Variants in DLGAP1 observed in about 807,000 individuals in gnomAD.
DLGAP1 encodes DLG associated protein 1.
Under a neutral mutation model 90.8 loss-of-function variants are expected in DLGAP1, and 11 were observed. The ratio of observed to expected loss-of-function variants is 0.12; its 90% CI spans 0.08 to 0.20. DLGAP1 has a LOEUF of 0.20. DLGAP1 is among the 10% of genes least tolerant of loss of function. The probability of loss-of-function intolerance (pLI) is 1.00; values close to 1 mark genes in which losing one functional copy is unlikely to be tolerated. For missense variants in DLGAP1, 1,050 were observed against 1,333.8 expected (o/e 0.79, Z 3.31); for synonymous variants, 558 against 540.7 (o/e 1.03, Z -0.44).
intron 5 of DLGAP1, among the ~76,000 whole-genome samples, chr18:3,781,623 G>A (rs183964991): frequency 2.0e-3 from 312 of 152,264 alleles, no homozygotes; most frequent in African/African-American, 7.4e-3. Flanking sequence ...AAAGTGCTGG[G>A]ATTATAGGCG....
chr18:4,381,399 A>G (rs185363092), intron 1 of DLGAP1, among the ~76,000 whole-genome samples: 62 of 152,344 alleles, frequency 4.1e-4, no homozygotes, highest in Non-Finnish European at 6.9e-4. Flanking sequence ...CAAAAGAACC[A>G]GTCCTCAGGT....
At chr18:3,555,091 C>T (rs909452282) in intron 9 of DLGAP1, among the ~76,000 whole-genome samples, 3 of 151,766 alleles carry the variant, frequency 2.0e-5, no homozygotes, top group African/African-American at 4.8e-5. Flanking sequence ...CCCATCTGCC[C>T]GATATTGCTT....
In DLGAP1 at chr18:4,119,136, G is replaced by C. The variant is rs570225068; in HGVS notation, c.-159+32044C>G. Among the ~76,000 whole-genome samples the C allele has an allele frequency of 2.0e-5, 3 of 152,118 alleles. No homozygotes were observed. The East Asian group carries it at 5.8e-4, about 29-fold the overall frequency. On this transcript the variant is annotated intron_variant, in intron 2 of 12. Transcript: ENST00000315677. Reference sequence around the variant, plus strand: ...AGATGGGGTCTCACTTTGTGGTCCAGGCTAGAGTGCAGTGGCATGATCACA... The same window carrying C: ...AGATGGGGTCTCACTTTGTGGTCCACGCTAGAGTGCAGTGGCATGATCACA...
intron 2 of DLGAP1, among the ~76,000 whole-genome samples, chr18:4,134,885 G>T (rs1467565139): frequency 6.6e-6 from 1 of 151,978 alleles, no homozygotes; most frequent in African/African-American, 2.4e-5. Flanking sequence ...TGCCTTCCTA[G>T]AGAGGAAAAG....
At chr18:4,143,419 T>C (rs1160970376) in intron 2 of DLGAP1, among the ~76,000 whole-genome samples, 1 of 151,772 alleles carries the variant, frequency 6.6e-6, no homozygotes, top group East Asian at 2.0e-4. Flanking sequence ...TGATGAGTAC[T>C]GCCAGGGTAC....
At chr18:4,409,200 T>C (rs1418195672) in intron 1 of DLGAP1, among the ~76,000 whole-genome samples, 1 of 152,142 alleles carries the variant, frequency 6.6e-6, no homozygotes, top group African/African-American at 2.4e-5. Flanking sequence ...TTACTGACAG[T>C]ATTCCATTTT....
At chr18:4,390,454 T>C (rs1466000883) in intron 1 of DLGAP1, among the ~76,000 whole-genome samples, 1 of 152,148 alleles carries the variant, frequency 6.6e-6, no homozygotes, top group Non-Finnish European at 1.5e-5. Flanking sequence ...TATAATGACA[T>C]GTGTCCACCA....
At chr18:3,812,146 G>A (rs1451826360) in intron 5 of DLGAP1, among the ~76,000 whole-genome samples, 1 of 152,162 alleles carries the variant, frequency 6.6e-6, no homozygotes, top group Non-Finnish European at 1.5e-5. Flanking sequence ...TCTTCTGGAA[G>A]ATGTTAACCC....
intron 4 of DLGAP1, among the ~76,000 whole-genome samples, chr18:3,860,113 T>TAAAAAAATAAATAAAAAATAA (rs1555695348): frequency 7.0e-6 from 1 of 142,216 alleles, no homozygotes; most frequent in African/African-American, 2.6e-5. Flanking sequence ...AATAAATAAA[T>TAAAAAAATAAATAAAAAATAA]AAATAAATTT....
intron 7 of DLGAP1, among the ~76,000 whole-genome samples, chr18:3,609,108 C>T (rs936468031): frequency 1.3e-5 from 2 of 152,046 alleles, no homozygotes; most frequent in East Asian, 1.9e-4. Flanking sequence ...GGATTACAGG[C>T]GTGAGCTGCT....
chr18:3,759,272 A>C lies in DLGAP1; in HGVS notation c.1173-16760T>G, dbSNP rs921562842. On this transcript the variant is annotated intron_variant, in intron 5 of 12. Coordinates refer to ENST00000315677, the MANE Select transcript of DLGAP1 (RefSeq NM_004746.4). ...ATTGCTCTGCCAAAAAAAAAAAAAA[A>C]CAAAACCCAACCTGATTTGGTTGGG... 3.9e-4 allele frequency among the ~76,000 whole-genome samples: 59 copies of C among 151,604 alleles called. 1 individual carries two copies. Among genetic ancestry groups the C allele is most frequent in the Non-Finnish European group, 5.9e-5 (4 of 67,892 alleles).
intron 2 of DLGAP1, among the ~76,000 whole-genome samples, chr18:4,068,163 ATCT>A (rs945720137): frequency 1.7e-4 from 26 of 151,884 alleles, no homozygotes; most frequent in Admixed American, 8.5e-4. Context: ...ATACACACTA[ATCT>A]TCTCTCTTTT....
rs762670770 is a variant in DLGAP1 at position 4,141,378 on chromosome 18, C to G, written c.-159+9802G>C. ...CCTTTGAAAATGAATTTGTTTATAGCCCAAACCTACTACTTTAGAAAACCC... is the reference window on the plus strand; with the variant it reads ...CCTTTGAAAATGAATTTGTTTATAGGCCAAACCTACTACTTTAGAAAACCC... On this transcript the variant is annotated intron_variant, in intron 2 of 12. Transcript: ENST00000315677. 5.3e-5 allele frequency among the ~76,000 whole-genome samples: 8 copies of G among 151,986 alleles called. No homozygotes were observed. The South Asian group carries it at 1.2e-3, about 24-fold the overall frequency.
At chr18:3,710,531 G>A (rs920355074) in intron 7 of DLGAP1, among the ~76,000 whole-genome samples, 1 of 152,210 alleles carries the variant, frequency 6.6e-6, no homozygotes, top group Non-Finnish European at 1.5e-5. Flanking sequence ...AATGACTGTG[G>A]AGAGGAAAGC....
In DLGAP1 at chr18:3,814,119, G is replaced by A. The variant is rs2066974312; in HGVS notation, c.1112C>T (p.Ala371Val). 3.7e-6 allele frequency: 6 copies of A among 1,613,840 alleles called. No homozygotes were observed. The highest frequency in any genetic ancestry group is 2.2e-5 in the East Asian group (1 of 44,866). The change falls in exon 5 of 13, where the codon GCG (alanine) becomes GTG (valine). Residue 371 changes from alanine to valine, a missense_variant. This residue lies in a region of DLGAP1 where 565 missense variants were observed against 879.7 expected (regional missense o/e 0.64). Coordinates refer to ENST00000315677, the MANE Select transcript of DLGAP1 (RefSeq NM_004746.4). ...AGCCTTGAGATAGCTTTCTCTCCGCGCAGCAACTTTTGGAGAAGGCTTAGG... is the reference window on the plus strand; with the variant it reads ...AGCCTTGAGATAGCTTTCTCTCCGCACAGCAACTTTTGGAGAAGGCTTAGG... ...TSPKPSPKVA[A>V]RRESYLKATQ...
intron 9 of DLGAP1, among the ~76,000 whole-genome samples, chr18:3,551,730 T>TCCTTCCTTCCTA (rs2053479351): frequency 5.2e-5 from 1 of 19,060 alleles, no homozygotes; most frequent in African/African-American, 3.5e-4. Flanking sequence ...CTCCCTTCCT[T>TCCTTCCTTCCTA]CCTTCCTTCC....
chr18:4,208,587 T>C (rs577485277), intron 1 of DLGAP1, among the ~76,000 whole-genome samples: 13 of 152,282 alleles, frequency 8.5e-5, no homozygotes, highest in Non-Finnish European at 1.5e-4. Context: ...ATGCTGACTG[T>C]AGTTTGGGAG....
intron 7 of DLGAP1, among the ~76,000 whole-genome samples, chr18:3,650,901 T>C (rs1224382037): frequency 1.3e-5 from 2 of 150,452 alleles, no homozygotes; most frequent in Non-Finnish European, 3.0e-5. Context: ...ACCCTGTCTC[T>C]ATTAAAATAC....
intron 4 of DLGAP1, among the ~76,000 whole-genome samples, chr18:3,860,463 G>A (rs1400048313): frequency 6.6e-6 from 1 of 152,202 alleles, no homozygotes; most frequent in Non-Finnish European, 1.5e-5. Context: ...CAGAGGAGGA[G>A]ACCATGGCAG....
Sources: allele counts gnomAD v4.1 joint callset (sites outside exome capture counted in the v4.1 genomes callset), GRCh38; gene constraint gnomAD v4.1.1; regional missense constraint gnomAD v4.1.1; transcripts MANE v1.5; gene names NCBI Gene and HGNC (gene_info 2026-07-23, HGNC 2026-07-21).